The following CMTM4 variants were observed in gnomAD, a reference collection of about 807,000 sequenced individuals.
CMTM4 encodes CKLF-like MARVEL transmembrane domain-containing protein 4.
Under a neutral mutation model 19.0 loss-of-function variants are expected in CMTM4, and 8 were observed. That is an observed-to-expected ratio of 0.42 (90% CI 0.25 to 0.76). The LOEUF (loss-of-function observed/expected upper bound fraction) is 0.76, where lower values mean the gene tolerates loss of function less well. CMTM4 is among the 30% of genes least tolerant of loss of function. CMTM4 has a pLI of 0.27. For missense variants in CMTM4, 228 were observed against 290.2 expected (o/e 0.79, Z 1.56); for synonymous variants, 106 against 121.1 (o/e 0.88, Z 0.82).
rs2015583277 is a variant in CMTM4, at chr16:66,619,243, C to T, written c.*2815G>A. 1.0e-6 allele frequency: 1 copy of T among 985,272 alleles called. No homozygotes were observed. The highest frequency in any genetic ancestry group is 4.7e-5 in the South Asian group (1 of 21,282). 61.0% of individuals were successfully genotyped at this position (985,272 alleles called of 1,614,324 possible). On this transcript the variant is annotated 3_prime_UTR_variant, in exon 4 of 4. Coordinates refer to ENST00000394106, the MANE Select transcript of CMTM4 (RefSeq NM_181521.3). ...AATCAGAGGGAAAAAATACCAAATCCACCCAATCAGTGCCAAAATAAACTT... is the reference window on the plus strand; with the variant it reads ...AATCAGAGGGAAAAAATACCAAATCTACCCAATCAGTGCCAAAATAAACTT...
intron 1 of CMTM4, among the ~76,000 whole-genome samples, chr16:66,656,828 CA>C (rs2016406176): frequency 6.6e-6 from 1 of 151,960 alleles, no homozygotes; most frequent in Non-Finnish European, 1.5e-5. Flanking sequence ...AACCAGAATC[CA>C]AACAGGAGAC....
intron 1 of CMTM4, among the ~76,000 whole-genome samples, chr16:66,646,868 G>A (rs943346059): frequency 4.6e-5 from 7 of 151,826 alleles, no homozygotes; most frequent in South Asian, 2.1e-4. Context: ...CACCACACCC[G>A]GCTAATTTTT....
chr16:66,628,089 T>A (rs756782616), intron 2 of CMTM4, among the ~76,000 whole-genome samples: 36 of 152,324 alleles, frequency 2.4e-4, no homozygotes, highest in Non-Finnish European at 4.4e-4. Flanking sequence ...CCCAAACATC[T>A]CAGTGGAGTA....
At chr16:66,670,695 G>A (rs555033159) in intron 1 of CMTM4, among the ~76,000 whole-genome samples, 22 of 152,194 alleles carry the variant, frequency 1.4e-4, no homozygotes, top group African/African-American at 5.1e-4. Context: ...AGCTATTCAG[G>A]AGGCTGAGGC....
rs2017228933 is a variant in CMTM4 at position 66,696,103 on chromosome 16, C to A, written c.186+237G>T. ...GGACAGGTAGGCCCGAAGGCAGGTGCTCAGGTAGGAGGCGCACACCTGAGG... is the reference window on the plus strand; with the variant it reads ...GGACAGGTAGGCCCGAAGGCAGGTGATCAGGTAGGAGGCGCACACCTGAGG... On this transcript the variant is annotated intron_variant, in intron 1 of 3. Transcript: ENST00000394106. The surrounding 1 kb of genome is among the most constrained non-coding windows in gnomAD (Gnocchi z 4.3). 6.6e-6 allele frequency among the ~76,000 whole-genome samples: 1 copy of A among 152,198 alleles called. No homozygotes were observed. The highest frequency in any genetic ancestry group is 1.5e-5 in the Non-Finnish European group (1 of 68,028).
At chr16:66,672,689 A>C (rs1462212620) in intron 1 of CMTM4, among the ~76,000 whole-genome samples, 1 of 151,934 alleles carries the variant, frequency 6.6e-6, no homozygotes, top group East Asian at 1.9e-4. Context: ...GGCTCACTAC[A>C]ACCTCAGCCT....
chr16:66,670,582 A>G (rs1476069010), intron 1 of CMTM4, among the ~76,000 whole-genome samples: 1 of 151,968 alleles, frequency 6.6e-6, no homozygotes, highest in Admixed American at 6.6e-5. Flanking sequence ...TAGGCGGATC[A>G]CGAGGTCAAG....
downstream of CMTM4, chr16:66,612,589 C>T (rs1447911385): frequency 1.9e-6 from 3 of 1,613,654 alleles, no homozygotes; most frequent in Non-Finnish European, 2.5e-6. The surrounding 1 kb of genome is among the most constrained non-coding windows in gnomAD (Gnocchi z 6.0). Flanking sequence ...TGCCAAGCAT[C>T]CTCTCTGCTT....
chr16:66,646,091 G>A (rs768121337), intron 1 of CMTM4, among the ~76,000 whole-genome samples: 15 of 152,064 alleles, frequency 9.9e-5, no homozygotes, highest in Admixed American at 2.0e-4. Context: ...GTGGACTGGC[G>A]GGGAAAGGGT....
chr16:66,650,937 T>G (rs1389491168), intron 1 of CMTM4, among the ~76,000 whole-genome samples: 1 of 152,200 alleles, frequency 6.6e-6, no homozygotes, highest in Non-Finnish European at 1.5e-5. Context: ...GGGTTCAAAG[T>G]GTCTTCAGAA....
chr16:66,680,773 C>CAAAAAAA (rs35127974), intron 1 of CMTM4, among the ~76,000 whole-genome samples: 2 of 32,256 alleles, frequency 6.2e-5, no homozygotes, highest in South Asian at 1.2e-3. Context: ...GACTCCGTCT[C>CAAAAAAA]AAAAAAAAAA....
chr16:66,645,059 G>A (rs2016166706), intron 1 of CMTM4, among the ~76,000 whole-genome samples: 1 of 152,124 alleles, frequency 6.6e-6, no homozygotes, highest in Non-Finnish European at 1.5e-5. Context: ...CAAGGTAGGC[G>A]GATCACCTGA....
At chr16:66,607,954 T>C in the CMTM4 span, among the ~76,000 whole-genome samples, 1 of 151,806 alleles carries the variant, frequency 6.6e-6, no homozygotes, top group Non-Finnish European at 1.5e-5. Context: ...CAGGTGATCC[T>C]CCCACCTCAG....
chr16:66,630,160 A>G (rs1182417174), intron 2 of CMTM4, among the ~76,000 whole-genome samples: 1 of 151,960 alleles, frequency 6.6e-6, no homozygotes, highest in Non-Finnish European at 1.5e-5. Context: ...GATCTGTGCT[A>G]ACTCCGAGAG....
chr16:66,661,783 A>T (rs2016503142), intron 1 of CMTM4, among the ~76,000 whole-genome samples: 1 of 152,076 alleles, frequency 6.6e-6, no homozygotes, highest in Admixed American at 6.6e-5. Flanking sequence ...CAACAAAAAA[A>T]TTAGCCGGGC....
chr16:66,650,245 T>C (rs1344968071), intron 1 of CMTM4, among the ~76,000 whole-genome samples: 1 of 152,198 alleles, frequency 6.6e-6, no homozygotes, highest in East Asian at 1.9e-4. Context: ...TACAACCTAG[T>C]TCCTCACCAA....
At chr16:66,640,642 A>G (rs553346448) in intron 1 of CMTM4, among the ~76,000 whole-genome samples, 9 of 152,360 alleles carry the variant, frequency 5.9e-5, no homozygotes, top group African/African-American at 2.2e-4. Context: ...CAAGGGCAGA[A>G]GCCAGGAGGA....
chr16:66,610,819 T>G (rs2015349067), downstream of CMTM4: 1 of 398,460 alleles, frequency 2.5e-6, no homozygotes, highest in South Asian at 1.3e-4. This position sits in a 1 kb window ranked among gnomAD's most constrained non-coding sequence, Gnocchi z 4.6. Context: ...GACCAGTAGG[T>G]TAGGCTTAAG....
chr16:66,665,304 A>G (rs978130967), intron 1 of CMTM4, among the ~76,000 whole-genome samples: 2 of 151,706 alleles, frequency 1.3e-5, no homozygotes, highest in African/African-American at 4.8e-5. Flanking sequence ...ATTAATTCAA[A>G]AGGGATCATA....
Sources: gnomAD v4.1 joint callset for allele counts (sites outside exome capture counted in the v4.1 genomes callset) on GRCh38, gnomAD v4.1.1 for gene constraint, Gnocchi (gnomAD v3.1) non-coding constraint, MANE v1.5 for transcripts, NCBI Gene and HGNC (gene_info 2026-07-23, HGNC 2026-07-21) for gene names.